The following CSRNP3 variants were observed in gnomAD, a reference collection of about 807,000 sequenced individuals.
CSRNP3 encodes cysteine and serine rich nuclear protein 3, also known as cysteine/serine-rich nuclear protein 3.
Under a neutral mutation model 48.0 loss-of-function variants are expected in CSRNP3, and 12 were observed. That is an observed-to-expected ratio of 0.25 (90% confidence interval 0.16 to 0.41). The LOEUF is 0.41. Among genes scored for constraint, CSRNP3 ranks in the 10% least tolerant of loss-of-function variants. The pLI is 1.00. For synonymous variants in CSRNP3, 263 were observed against 269.7 expected (o/e 0.98, Z 0.24); for missense variants, 580 against 724.4 (o/e 0.80, Z 2.29).
At chr2:165,527,750 A>C (rs1277898672) in intron 3 of CSRNP3, among the ~76,000 whole-genome samples, 1 of 152,200 alleles carries the variant, frequency 6.6e-6, no homozygotes, top group African/African-American at 2.4e-5. Context: ...AAACAACATA[A>C]AGAGATAAAT....
At chr2:165,535,934 TTC>T (rs1684875864) in intron 3 of CSRNP3, among the ~76,000 whole-genome samples, 1 of 151,846 alleles carries the variant, frequency 6.6e-6, no homozygotes, top group Non-Finnish European at 1.5e-5. Flanking sequence ...ATTTGAAAAT[TTC>T]TGTTTCCCAC....
chr2:165,612,722 C>G (rs1261295160), intron 4 of CSRNP3, among the ~76,000 whole-genome samples: 2 of 151,540 alleles, frequency 1.3e-5, no homozygotes, highest in Admixed American at 6.6e-5. Flanking sequence ...ACATAATGTC[C>G]TCCAGGTTCA....
At chr2:165,538,307 A>G (rs1684908633) in intron 3 of CSRNP3, among the ~76,000 whole-genome samples, 1 of 151,844 alleles carries the variant, frequency 6.6e-6, no homozygotes, top group Non-Finnish European at 1.5e-5. Flanking sequence ...TAATTGTGCT[A>G]TTTTCCCCAA....
intron 3 of CSRNP3, among the ~76,000 whole-genome samples, chr2:165,582,437 T>G (rs1685564031): frequency 1.3e-5 from 2 of 152,288 alleles, no homozygotes; most frequent in South Asian, 4.1e-4. Flanking sequence ...AGGCCAGTTT[T>G]GGGTGGTTTT....
rs557202355 is a variant in CSRNP3 at position 165,595,213 on chromosome 2, C to T, written c.148C>T (p.Pro50Ser). 21 of 1,606,032 alleles carry T rather than the reference C, an allele frequency of 1.3e-5. No individual in the cohort carries two copies. The highest frequency in any genetic ancestry group is 6.7e-5 in the Admixed American group (4 of 59,796). ...TCCATCCACTTCTAGTCATTTTACC[C>T]GTGAGTACTGAAATCAGAACCGAAG... is the stretch of plus-strand genomic sequence containing the variant. ...VNPSTSSHFTPSSILKREKRL... is the reference protein window; with the variant it reads ...VNPSTSSHFTSSSILKREKRL... Residue 50 changes from proline to serine, a missense_variant and splice_region_variant, in exon 4 of 7, where the codon CCT becomes TCT. Transcript: ENST00000651982.
intron 3 of CSRNP3, among the ~76,000 whole-genome samples, chr2:165,538,425 C>T (rs1168513317): frequency 6.6e-6 from 1 of 151,832 alleles, no homozygotes; most frequent in Non-Finnish European, 1.5e-5. Flanking sequence ...ATTATATCTG[C>T]TGCCTCTCCT....
chr2:165,525,121 C>T (rs1187466460), intron 3 of CSRNP3, among the ~76,000 whole-genome samples: 1 of 152,146 alleles, frequency 6.6e-6, no homozygotes, highest in Non-Finnish European at 1.5e-5. Flanking sequence ...TTATTTTAAC[C>T]ATTCTAATTA....
chr2:165,530,562 C>T (rs765405969), intron 3 of CSRNP3, among the ~76,000 whole-genome samples: 2 of 152,022 alleles, frequency 1.3e-5, no homozygotes, highest in Non-Finnish European at 2.9e-5. Context: ...TTGCATATAA[C>T]GTGAGATAGT....
At position 165,587,939 on chromosome 2, in the gene CSRNP3, C is replaced by T. The variant is rs114793088; in HGVS notation, c.-23-7104C>T. On this transcript the variant is annotated intron_variant, in intron 3 of 6. Transcript: ENST00000651982. Reference sequence around the variant, plus strand: ...GATATTAAATTATGGAAATTAAAGGCTTATATTAATTCACTGAACAAATAT... The same window carrying T: ...GATATTAAATTATGGAAATTAAAGGTTTATATTAATTCACTGAACAAATAT... Among the ~76,000 whole-genome samples the T allele has an allele frequency of 5.0e-3, 759 of 152,202 alleles. 8 individuals carry two copies. Among genetic ancestry groups the T allele is most frequent in the African/African-American group, 0.018 (733 of 41,540 alleles).
At chr2:165,520,794 T>C (rs867928585) in intron 3 of CSRNP3, among the ~76,000 whole-genome samples, 7,504 of 22,554 alleles carry the variant, frequency 0.33, 322 homozygotes, top group Non-Finnish European at 0.37. Flanking sequence ...TATATATATA[T>C]ATATATATAT....
rs1684264064 is a variant in CSRNP3, at chr2:165,494,742, T to C, written c.-282-17T>C. On this transcript the variant is annotated splice_polypyrimidine_tract_variant and intron_variant, in intron 1 of 6. Coordinates refer to ENST00000651982, the MANE Select transcript of CSRNP3 (RefSeq NM_001172173.2). ...GCCAAATATTTCAATGCTTCATTGC[T>C]CCTGTTCCTGTTACAGGTACATGTG... 1.0e-5 allele frequency: 2 copies of C among 191,662 alleles called. No individual in the cohort carries two copies. The highest frequency in any genetic ancestry group is 1.4e-4 in the South Asian group (1 of 7,036). The allele number at this position is 191,662 out of a possible 1,614,324, so 11.9% of individuals were successfully genotyped here.
intron 4 of CSRNP3, among the ~76,000 whole-genome samples, chr2:165,597,575 A>G (rs923525416): frequency 4.6e-5 from 7 of 152,152 alleles, no homozygotes; most frequent in Non-Finnish European, 7.4e-5. Context: ...GAGAAGAAGA[A>G]ATAATCACAT....
At chr2:165,638,612 G>A (rs146447514) in intron 4 of CSRNP3, among the ~76,000 whole-genome samples, 1 of 152,070 alleles carries the variant, frequency 6.6e-6, no homozygotes, top group Non-Finnish European at 1.5e-5. Flanking sequence ...GTATAGAAAA[G>A]TACCTATCTC....
chr2:165,472,857 C>T (rs1683912339), intron 1 of CSRNP3, among the ~76,000 whole-genome samples: 4 of 152,010 alleles, frequency 2.6e-5, no homozygotes, highest in Admixed American at 2.6e-4. Flanking sequence ...TAATATGTAG[C>T]CAACATATTA....
chr2:165,656,381 G>T (rs1402717988), intron 4 of CSRNP3, among the ~76,000 whole-genome samples: 1 of 152,054 alleles, frequency 6.6e-6, no homozygotes, highest in Non-Finnish European at 1.5e-5. Context: ...CGTGCATCTT[G>T]ATGTTCCTGT....
intron 4 of CSRNP3, among the ~76,000 whole-genome samples, chr2:165,628,275 G>C (rs1047747916): frequency 5.9e-5 from 9 of 152,090 alleles, no homozygotes; most frequent in African/African-American, 2.2e-4. Context: ...ACTCTTTCTT[G>C]ATACACCATT....
At chr2:165,644,219 T>C (rs899443550) in intron 4 of CSRNP3, among the ~76,000 whole-genome samples, 2 of 152,156 alleles carry the variant, frequency 1.3e-5, no homozygotes, top group African/African-American at 4.8e-5. Flanking sequence ...ATATTTCAAA[T>C]GGTTTCTAAT....
intron 1 of CSRNP3, among the ~76,000 whole-genome samples, chr2:165,490,998 C>G (rs1158497819): frequency 1.4e-4 from 19 of 139,048 alleles, no homozygotes; most frequent in African/African-American, 4.9e-4. Context: ...AAACTACCAT[C>G]AGAGTGAACA....
intron 3 of CSRNP3, among the ~76,000 whole-genome samples, chr2:165,540,938 T>C (rs541949642): frequency 6.6e-6 from 1 of 152,230 alleles, no homozygotes; most frequent in South Asian, 2.1e-4. Context: ...ATTTTGTATA[T>C]ATTTGTAAAA....
Sources: allele counts gnomAD v4.1 joint callset (sites outside exome capture counted in the v4.1 genomes callset), GRCh38; gene constraint gnomAD v4.1.1; transcripts MANE v1.5; gene names NCBI Gene and HGNC (gene_info 2026-07-23, HGNC 2026-07-21).